The following KCNG2 variants were observed in gnomAD, a reference collection of about 807,000 sequenced individuals.
KCNG2 encodes the protein potassium voltage-gated channel modifier subfamily G member 2, also known as voltage-gated potassium channel regulatory subunit KCNG2.
KCNG2 carries 7 observed loss-of-function variants against 12.3 expected under a neutral mutation model. The ratio of observed to expected loss-of-function variants is 0.57; its 90% CI spans 0.32 to 1.07. The LOEUF (loss-of-function observed/expected upper bound fraction) is 1.07, where lower values mean the gene tolerates loss of function less well. Among genes scored for constraint, KCNG2 ranks in the 50% least tolerant of loss-of-function variants. The pLI is 0.04. For missense variants in KCNG2, 703 were observed against 726.0 expected (o/e 0.97, Z 0.36); for synonymous variants, 414 against 351.4 (o/e 1.18, Z -1.99).
intron 3 of KCNG2, among the ~76,000 whole-genome samples, chr18:79,873,853 G>T (rs1438994049): frequency 6.6e-6 from 1 of 152,226 alleles, no homozygotes; most frequent in Non-Finnish European, 1.5e-5. Flanking sequence ...AGCAGCTGCG[G>T]TGTCCAGGTC....
rs1979322382 is a variant in KCNG2, at chr18:79,863,781, C to A, written c.114C>A (p.Cys38Ter). ...TGGCATGGGCCGCGCTGGCGCGATG[C>A]CCCCTCGCGCGCCTGGAGCGCCTGC... ...VRLAWAALAR[C>*]PLARLERLRA... The change falls in exon 3 of 4, where the codon TGC (cysteine) becomes TGA (stop). Residue 38 changes from cysteine (C) to a stop codon, truncating the protein, a stop_gained. Transcript: ENST00000316249. LOFTEE classifies it high-confidence loss of function. 3 of 1,274,598 alleles carry A rather than the reference C, an allele frequency of 2.4e-6. No individual in the cohort carries two copies. Among genetic ancestry groups the A allele is most frequent in the Non-Finnish European group, 3.0e-6 (3 of 1,005,142 alleles). The allele number at this position is 1,274,598 out of a possible 1,614,324, so 79.0% of individuals were successfully genotyped here. A position where few individuals can be genotyped will look rare whatever the true frequency, so the allele number is the denominator to read the frequency against.
chr18:79,856,763 G>A (rs1441629677), intron 2 of KCNG2, among the ~76,000 whole-genome samples: 1 of 152,078 alleles, frequency 6.6e-6, no homozygotes, highest in East Asian at 1.9e-4. Flanking sequence ...AACTGGGACA[G>A]CTGCTGCTTA....
chr18:79,892,594 A>G (rs1980781920), intron 3 of KCNG2, among the ~76,000 whole-genome samples: 1 of 151,362 alleles, frequency 6.6e-6, no homozygotes, highest in South Asian at 2.1e-4. Flanking sequence ...ATAACAATTG[A>G]TATAGTTGGG....
At chr18:79,890,157 G>A (rs1431694105) in intron 3 of KCNG2, among the ~76,000 whole-genome samples, 5 of 152,058 alleles carry the variant, frequency 3.3e-5, no homozygotes, top group Non-Finnish European at 5.9e-5. Context: ...CGGTATTCAC[G>A]TGTGGTTTTC....
rs544515493 is a variant in KCNG2 at position 79,843,005 on chromosome 18, A to C, written c.-114-13374A>C. 2.4e-4 allele frequency among the ~76,000 whole-genome samples: 37 copies of C among 152,386 alleles called. No homozygotes were observed. The South Asian group carries it at 7.7e-3, about 32-fold the overall frequency. ...ATAAACATCCAGATCCATGAAGCCC[A>C]AAGAACCCCAAATAGATTAAACATA... On this transcript the variant is annotated intron_variant, in intron 1 of 3. Transcript: ENST00000316249.
intron 3 of KCNG2, among the ~76,000 whole-genome samples, chr18:79,892,831 G>A (rs1366523800): frequency 6.8e-6 from 1 of 147,970 alleles, no homozygotes; most frequent in East Asian, 2.1e-4. Context: ...CATTAATAAC[G>A]ATTGATATAG....
chr18:79,819,642 G>A (rs528904852), intron 1 of KCNG2, among the ~76,000 whole-genome samples: 1 of 152,272 alleles, frequency 6.6e-6, no homozygotes, highest in Non-Finnish European at 1.5e-5. Flanking sequence ...CTCACAGCCA[G>A]CAGGCTGCAA....
chr18:79,818,081 C>A (rs2087543356), intron 1 of KCNG2, among the ~76,000 whole-genome samples: 1 of 152,264 alleles, frequency 6.6e-6, no homozygotes, highest in Non-Finnish European at 1.5e-5. Context: ...AGGCAGAACA[C>A]AGACCCTGAG....
chr18:79,836,916 A>G (rs189134386), intron 1 of KCNG2, among the ~76,000 whole-genome samples: 1 of 152,166 alleles, frequency 6.6e-6, no homozygotes, highest in Non-Finnish European at 1.5e-5. Flanking sequence ...GCCCCTCCCA[A>G]ATCTCATGTC....
intron 1 of KCNG2, among the ~76,000 whole-genome samples, chr18:79,798,606 C>A (rs1004597457): frequency 6.4e-4 from 98 of 152,344 alleles, no homozygotes; most frequent in African/African-American, 2.3e-3. Context: ...ACTCTGCCTC[C>A]TCCGACCAGC....
At chr18:79,865,040 GA>G (rs1979414792) in intron 3 of KCNG2, among the ~76,000 whole-genome samples, 1 of 150,106 alleles carries the variant, frequency 6.7e-6, no homozygotes, top group African/African-American at 2.5e-5. Context: ...TGTGTGCTGA[GA>G]AGTTTGGGTG....
intron 1 of KCNG2, among the ~76,000 whole-genome samples, chr18:79,812,915 T>C (rs771788995): frequency 1.3e-5 from 2 of 152,074 alleles, no homozygotes; most frequent in Non-Finnish European, 2.9e-5. Context: ...TCCAGCACTT[T>C]GGGAGGCCAA....
chr18:79,872,000 T>C (rs1979851892), intron 3 of KCNG2, among the ~76,000 whole-genome samples: 1 of 151,468 alleles, frequency 6.6e-6, no homozygotes, highest in African/African-American at 2.4e-5. Flanking sequence ...GGCCCAGTGA[T>C]GGCAACGCTC....
At chr18:79,827,153 A>C (rs1468787675) in intron 1 of KCNG2, among the ~76,000 whole-genome samples, 1 of 152,104 alleles carries the variant, frequency 6.6e-6, no homozygotes, top group East Asian at 1.9e-4. Context: ...GGACTCCCAG[A>C]TACTGAAGCT....
At chr18:79,805,931 AT>A (rs1174687963) in intron 1 of KCNG2, among the ~76,000 whole-genome samples, 2 of 152,208 alleles carry the variant, frequency 1.3e-5, no homozygotes, top group African/African-American at 4.8e-5. Flanking sequence ...AAAAAGGAAA[AT>A]GATGAGAGAC....
chr18:79,817,538 T>C (rs116297625), intron 1 of KCNG2, among the ~76,000 whole-genome samples: 3,456 of 152,248 alleles, frequency 0.023, 148 homozygotes, highest in African/African-American at 0.078. Flanking sequence ...ATCACATACA[T>C]GTGGTTGTCA....
chr18:79,855,664 C>T (rs1342910468), intron 1 of KCNG2, among the ~76,000 whole-genome samples: 1 of 151,908 alleles, frequency 6.6e-6, no homozygotes, highest in Non-Finnish European at 1.5e-5. Context: ...TGGTGGGTTT[C>T]CTTCCCGATC....
intron 3 of KCNG2, among the ~76,000 whole-genome samples, chr18:79,869,011 C>T (rs1012359280): frequency 6.6e-6 from 1 of 152,208 alleles, no homozygotes; most frequent in African/African-American, 2.4e-5. Flanking sequence ...CCACACGGGT[C>T]GGCTTCCACA....
chr18:79,810,594 C>A (rs2087487160), intron 1 of KCNG2, among the ~76,000 whole-genome samples: 1 of 151,450 alleles, frequency 6.6e-6, no homozygotes, highest in Non-Finnish European at 1.5e-5. Flanking sequence ...ATAGCAAGAC[C>A]CTGTCTCTAA....
Sources: gnomAD v4.1 joint callset for allele counts (sites outside exome capture counted in the v4.1 genomes callset) on GRCh38, gnomAD v4.1.1 for gene constraint, MANE v1.5 for transcripts, NCBI Gene and HGNC (gene_info 2026-07-23, HGNC 2026-07-21) for gene names.